The following CRYL1 variants were observed in gnomAD, a reference collection of about 807,000 sequenced individuals.
CRYL1 encodes crystallin lambda 1.
Under a neutral mutation model 36.6 loss-of-function variants are expected in CRYL1, and 29 were observed. That is an observed-to-expected ratio of 0.79 (90% CI 0.59 to 1.08). The LOEUF is 1.08. Ranked by LOEUF, CRYL1 falls within the 50% of genes least tolerant of loss-of-function variation. The pLI is 0.00. For missense variants in CRYL1, 411 were observed against 407.9 expected, an observed-to-expected ratio of 1.01 and a Z score of -0.06; for synonymous variants, 152 against 151.5, an observed-to-expected ratio of 1.00 and a Z score of -0.02.
At chr13:20,454,095 A>G (rs1371244877) in intron 3 of CRYL1, among the ~76,000 whole-genome samples, 1 of 152,218 alleles carries the variant, frequency 6.6e-6, no homozygotes, top group African/African-American at 2.4e-5. Context: ...AATCTTTACA[A>G]TCTCTTTCAG....
intron 4 of CRYL1, 79 bp downstream of exon 4, chr13:20,439,514 C>CAAAA (rs56087130): frequency 9.6e-5 from 32 of 331,802 alleles, no homozygotes; most frequent in Middle Eastern, 7.7e-4. Context: ...CCCTCCCCCG[C>CAAAA]AAAAAAAAAA....
intron 3 of CRYL1, among the ~76,000 whole-genome samples, chr13:20,466,068 C>T (rs893307900): frequency 6.6e-6 from 1 of 152,116 alleles, no homozygotes; most frequent in East Asian, 1.9e-4. Context: ...CACCAGAAGC[C>T]GGGTAGATGC....
chr13:20,407,515 T>C (rs2031408540), intron 6 of CRYL1, among the ~76,000 whole-genome samples: 1 of 152,178 alleles, frequency 6.6e-6, no homozygotes, highest in South Asian at 2.1e-4. Flanking sequence ...TACTCTAAAA[T>C]GCCAATTTCT....
intron 5 of CRYL1, among the ~76,000 whole-genome samples, chr13:20,426,183 T>C (rs1410309646): frequency 6.6e-6 from 1 of 152,040 alleles, no homozygotes; most frequent in Non-Finnish European, 1.5e-5. Flanking sequence ...AGCTTTTGAT[T>C]TGCAAGAGCG....
intron 3 of CRYL1, among the ~76,000 whole-genome samples, chr13:20,464,370 G>A (rs904437989): frequency 1.3e-5 from 2 of 151,990 alleles, no homozygotes; most frequent in Admixed American, 1.3e-4. Context: ...CTTTAGCCTG[G>A]GTAATAGAGT....
intron 3 of CRYL1, among the ~76,000 whole-genome samples, chr13:20,460,668 G>A (rs1377784632): frequency 2.0e-5 from 3 of 151,408 alleles, no homozygotes; most frequent in Non-Finnish European, 3.0e-5. Flanking sequence ...CGGGACTACA[G>A]GCGCCCGCCA....
intron 5 of CRYL1, chr13:20,426,668 C>G (rs1237170561): frequency 2.0e-6 from 2 of 984,582 alleles, no homozygotes; most frequent in Non-Finnish European, 2.4e-6. Flanking sequence ...TCAACAGAAA[C>G]CTTTGAATAA....
chr13:20,431,980 C>T, intron 5 of CRYL1, 122 bp downstream of exon 5: 1 of 1,564,424 alleles, frequency 6.4e-7, no homozygotes, highest in Non-Finnish European at 8.6e-7. Context: ...CAAGCAGCCT[C>T]TGACTTTCCC....
At chr13:20,452,510 G>A (rs532962015) in intron 3 of CRYL1, among the ~76,000 whole-genome samples, 5 of 152,302 alleles carry the variant, frequency 3.3e-5, no homozygotes, top group African/African-American at 1.2e-4. Flanking sequence ...ATGTGTTTAT[G>A]CACCTAACAA....
intron 3 of CRYL1, among the ~76,000 whole-genome samples, chr13:20,484,140 A>T (rs9552197): frequency 0.23 from 34,558 of 151,904 alleles, 4,328 homozygotes; most frequent in African/African-American, 0.33. Context: ...AATTTTTTTT[A>T]AAAAAAGAAA....
At chr13:20,524,385 T>G (rs2034151795) in intron 1 of CRYL1, among the ~76,000 whole-genome samples, 1 of 151,072 alleles carries the variant, frequency 6.6e-6, no homozygotes, top group South Asian at 2.1e-4. Context: ...AAAGTGCACT[T>G]TTTTTTTTTC....
At chr13:20,431,773 T>C in intron 5 of CRYL1, 4 of 1,251,036 alleles carry the variant, frequency 3.2e-6, no homozygotes, top group Non-Finnish European at 4.1e-6. Flanking sequence ...GGGTAAAAGC[T>C]GCCTCTGTGG....
At chr13:20,457,539 G>GA (rs2032717133) in intron 3 of CRYL1, among the ~76,000 whole-genome samples, 3 of 152,186 alleles carry the variant, frequency 2.0e-5, no homozygotes, top group Non-Finnish European at 4.4e-5. Context: ...TTCGATTCCA[G>GA]AAAAAATTAC....
chr13:20,433,151 A>C (rs2032110738), intron 4 of CRYL1, among the ~76,000 whole-genome samples: 1 of 152,168 alleles, frequency 6.6e-6, no homozygotes, highest in Non-Finnish European at 1.5e-5. Context: ...AACACACCTC[A>C]GCAGCCCCAG....
chr13:20,458,533 C>A (rs760919682), intron 3 of CRYL1, among the ~76,000 whole-genome samples: 1 of 152,144 alleles, frequency 6.6e-6, no homozygotes, highest in African/African-American at 2.4e-5. Context: ...AAAATGCTAA[C>A]CTTAATTTTA....
At chr13:20,517,141 C>A (rs1391966501) in intron 1 of CRYL1, among the ~76,000 whole-genome samples, 1 of 152,070 alleles carries the variant, frequency 6.6e-6, no homozygotes, top group Non-Finnish European at 1.5e-5. Flanking sequence ...TATCCTGGGA[C>A]AAAACTCTGA....
At chr13:20,466,524 A>G (rs2032936510) in intron 3 of CRYL1, among the ~76,000 whole-genome samples, 1 of 152,214 alleles carries the variant, frequency 6.6e-6, no homozygotes. Flanking sequence ...CGCACACACA[A>G]AGCAGAAGCA....
At chr13:20,507,811 C>A (rs567501839) in intron 2 of CRYL1, among the ~76,000 whole-genome samples, 3 of 150,898 alleles carry the variant, frequency 2.0e-5, no homozygotes, top group South Asian at 2.1e-4. Context: ...CCAGCTACTC[C>A]GGAGGCTGAG....
At chr13:20,506,896 T>C (rs1429026417) in intron 2 of CRYL1, among the ~76,000 whole-genome samples, 1 of 152,206 alleles carries the variant, frequency 6.6e-6, no homozygotes, top group Non-Finnish European at 1.5e-5. Context: ...TCATCTTGAA[T>C]TGTAGCTCCC....
Sources: gnomAD v4.1 joint callset for allele counts (sites outside exome capture counted in the v4.1 genomes callset) on GRCh38, gnomAD v4.1.1 for gene constraint, MANE v1.5 for transcripts, NCBI Gene and HGNC (gene_info 2026-07-23, HGNC 2026-07-21) for gene names.